Variants in CCDC33 observed in about 807,000 individuals in gnomAD.
CCDC33 encodes the protein coiled-coil domain containing 33.
Under a neutral mutation model 91.9 loss-of-function variants are expected in CCDC33, and 94 were observed. That is an observed-to-expected ratio of 1.02 (90% CI 0.87 to 1.21). The LOEUF (loss-of-function observed/expected upper bound fraction) is 1.21, where lower values mean the gene tolerates loss of function less well. Ranked by LOEUF, CCDC33 falls within the 50% of genes most tolerant of loss-of-function variation. CCDC33 has a pLI of 0.00. For synonymous variants in CCDC33, 396 were observed against 374.5 expected, an observed-to-expected ratio of 1.06 and a Z score of -0.66; for missense variants, 940 against 935.5, an observed-to-expected ratio of 1.00 and a Z score of -0.06.
chr15:74,301,217 G>C (rs2059788974), intron 11 of CCDC33: 1 of 152,254 alleles, frequency 6.6e-6, no homozygotes, highest in African/African-American at 2.4e-5. Context: ...ACGGAGCCAG[G>C]CCATGCCTCC....
At chr15:74,245,893 G>A (rs78371922) in intron 2 of CCDC33, among the ~76,000 whole-genome samples, 2,968 of 152,292 alleles carry the variant, frequency 0.019, 103 homozygotes, top group African/African-American at 0.068. Flanking sequence ...AGCTCGAGGT[G>A]GTGCTAATGA....
At chr15:74,239,775 C>A (rs752653745) in intron 1 of CCDC33, among the ~76,000 whole-genome samples, 5 of 152,214 alleles carry the variant, frequency 3.3e-5, no homozygotes, top group Admixed American at 2.0e-4. Context: ...GCATGAATTC[C>A]CTCCCCAGGG....
chr15:74,330,575 A>G lies in CCDC33; in HGVS notation c.1457-88A>G, dbSNP rs540123030. Reference sequence around the variant, plus strand: ...AGTCCCGTCCCAAGCCCTCGGGCCAAGGGATATCTGCCTTCCTGCTACTGA... The same window carrying G: ...AGTCCCGTCCCAAGCCCTCGGGCCAGGGGATATCTGCCTTCCTGCTACTGA... On this transcript the variant is annotated intron_variant, in intron 12 of 18. Transcript: ENST00000398814. The G allele has an allele frequency of 4.0e-5, 48 of 1,214,250 alleles. No homozygotes were observed. The Admixed American group carries it at 6.3e-4, about 16-fold the overall frequency. The allele number at this position is 1,214,250 out of a possible 1,614,324, so 75.2% of individuals were successfully genotyped here.
chr15:74,204,659 G>A (rs1368935711), intron 1 of CCDC33, among the ~76,000 whole-genome samples: 3 of 152,246 alleles, frequency 2.0e-5, no homozygotes, highest in African/African-American at 4.8e-5. Flanking sequence ...TTGGCCAGGT[G>A]TGGTGGCTTA....
chr15:74,270,571 G>C lies in CCDC33; in HGVS notation c.547-1132G>C, dbSNP rs546995563. ...GATTAGGGAAAGGAACAGAAGTGGA[G>C]AGGCTAGTGAGGAGGCAGAGGAATC... On this transcript the variant is annotated intron_variant, in intron 5 of 18. Coordinates refer to ENST00000398814, the MANE Select transcript of CCDC33 (RefSeq NM_025055.5). Among the ~76,000 whole-genome samples, 7 of 152,178 alleles carry C rather than the reference G, an allele frequency of 4.6e-5. No homozygotes were observed. In the East Asian group the frequency reaches 9.6e-4, roughly 21 times the overall value.
intron 1 of CCDC33, among the ~76,000 whole-genome samples, chr15:74,240,737 C>G (rs988506381): frequency 1.2e-4 from 18 of 152,158 alleles, no homozygotes; most frequent in Non-Finnish European, 1.0e-4. Flanking sequence ...GGATTACAGC[C>G]TCATGCCACC....
At chr15:74,335,660 A>G in intron 18 of CCDC33, 1 of 412,644 alleles carries the variant, frequency 2.4e-6, no homozygotes, top group Non-Finnish European at 4.4e-6. Flanking sequence ...CCAGAAGCTC[A>G]GCAGCGGCTC....
Position 74,236,454 on chromosome 15 carries a change from C to G in CCDC33, c.-266C>G. On this transcript the variant is annotated 5_prime_UTR_variant, in exon 1 of 19. Transcript: ENST00000398814. Reference sequence around the variant, plus strand: ...GGCCATGGCCCTCAACCCCCAAGGCCCTTCCACCCACAGACCATCTCGCTG... The same window carrying G: ...GGCCATGGCCCTCAACCCCCAAGGCGCTTCCACCCACAGACCATCTCGCTG... 2 of 457,146 alleles carry G rather than the reference C, an allele frequency of 4.4e-6. No individual in the cohort carries two copies. Among genetic ancestry groups the G allele is most frequent in the South Asian group, 1.1e-4 (2 of 18,914 alleles). 28.3% of individuals were successfully genotyped at this position (457,146 alleles called of 1,614,324 possible).
rs114255860 is a variant in CCDC33, at chr15:74,283,706, T to A, written c.1095+1857T>A. On this transcript the variant is annotated intron_variant, in intron 10 of 18. Transcript: ENST00000398814. ...AAAAAACCTTTTAGTAATGGATTTC[T>A]GAGAAGAAAGGAAAAGAAAGGGGAT... Among the ~76,000 whole-genome samples, 1,412 of 152,018 alleles carry A rather than the reference T, an allele frequency of 9.3e-3. 14 individuals are homozygous for A. Among genetic ancestry groups the A allele is most frequent in the African/African-American group, 0.032 (1,337 of 41,450 alleles).
At chr15:74,290,884 A>G (rs568752968) in intron 10 of CCDC33, among the ~76,000 whole-genome samples, 1 of 152,224 alleles carries the variant, frequency 6.6e-6, no homozygotes, top group Admixed American at 6.5e-5. Flanking sequence ...GGGGAAACCC[A>G]AGGGAAAAAA....
intron 7 of CCDC33, among the ~76,000 whole-genome samples, chr15:74,277,774 G>A (rs1007347324): frequency 6.6e-6 from 1 of 152,206 alleles, no homozygotes. Context: ...TCAGGGAAAG[G>A]GCTGTTCCTT....
rs541272854 is a variant in CCDC33, at chr15:74,283,641, A to G, written c.1095+1792A>G. Reference sequence around the variant, plus strand: ...GTTTTGATCTGGGCCTTGTGATTTTAGCGTCTCCTTCCCCCAACCCCCTCC... The same window carrying G: ...GTTTTGATCTGGGCCTTGTGATTTTGGCGTCTCCTTCCCCCAACCCCCTCC... On this transcript the variant is annotated intron_variant, in intron 10 of 18. Coordinates refer to ENST00000398814, the MANE Select transcript of CCDC33 (RefSeq NM_025055.5). 5.3e-5 allele frequency among the ~76,000 whole-genome samples: 8 copies of G among 152,206 alleles called. No homozygotes were observed. In the South Asian group the frequency reaches 1.7e-3, roughly 32 times the overall value.
chr15:74,274,000 T>G (rs2076389035), intron 7 of CCDC33, among the ~76,000 whole-genome samples: 1 of 151,808 alleles, frequency 6.6e-6, no homozygotes. Flanking sequence ...CCCGGCTAAT[T>G]TTTGTATTTT....
intron 2 of CCDC33, among the ~76,000 whole-genome samples, chr15:74,245,229 CTT>C (rs1347172607): frequency 1.3e-5 from 2 of 152,234 alleles, no homozygotes; most frequent in Admixed American, 1.3e-4. Flanking sequence ...TGAGCCCAAA[CTT>C]AGGAGCCAAG....
At chr15:74,241,557 G>A (rs1484309460) in intron 1 of CCDC33, among the ~76,000 whole-genome samples, 1 of 152,208 alleles carries the variant, frequency 6.6e-6, no homozygotes, top group Non-Finnish European at 1.5e-5. Context: ...AGGGCCCCAC[G>A]GGCCATTGCA....
At chr15:74,330,907 G>A (rs1818688989) in intron 13 of CCDC33, 74 bp from the exon 14 acceptor site, 16 of 1,531,336 alleles carry the variant, frequency 1.0e-5, no homozygotes, top group Admixed American at 1.9e-5. Context: ...CAGAGGGGCC[G>A]AGGTGGACCC....
At position 74,244,165 on chromosome 15, in the gene CCDC33, G is replaced by C. The variant is rs771815659; in HGVS notation, c.185+17G>C. ...TGTGGTGGTGTAAGTAGCTGCGTGA[G>C]AGTGGGGGCAGGGGATGGGTTGGGC... On this transcript the variant is annotated intron_variant, in intron 2 of 18. Coordinates refer to ENST00000398814, the MANE Select transcript of CCDC33 (RefSeq NM_025055.5). The surrounding 1 kb of genome is among the most constrained non-coding windows in gnomAD (Gnocchi z 4.2). The C allele has an allele frequency of 6.2e-7, 1 of 1,600,740 alleles. No homozygotes were observed. Among genetic ancestry groups the C allele is most frequent in the East Asian group, 2.2e-5 (1 of 44,654 alleles).
At chr15:74,208,812 G>C (rs891896974) in intron 1 of CCDC33, 203 of 988,636 alleles carry the variant, frequency 2.1e-4, no homozygotes, top group Non-Finnish European at 2.4e-4. Context: ...CCAATCAAGC[G>C]CTCTCCTGAC....
At chr15:74,234,746 G>T (rs2075092126), upstream of CCDC33, among the ~76,000 whole-genome samples, 2 of 152,224 alleles carry the variant, frequency 1.3e-5, no homozygotes. Context: ...CTGGGTGAGA[G>T]CCCCGAGCCC....
Sources: allele counts gnomAD v4.1 joint callset (sites outside exome capture counted in the v4.1 genomes callset), GRCh38; gene constraint gnomAD v4.1.1; non-coding constraint Gnocchi (gnomAD v3.1); transcripts MANE v1.5; gene names NCBI Gene and HGNC (gene_info 2026-07-23, HGNC 2026-07-21).